The following CLN3 variants were observed in gnomAD, a reference collection of about 807,000 sequenced individuals.
CLN3 encodes the protein battenin.
A neutral mutation model predicts 60.7 loss-of-function variants in CLN3; 49 were observed. The observed-to-expected ratio is 0.81, with a 90% CI of 0.64 to 1.02. The LOEUF (loss-of-function observed/expected upper bound fraction) is 1.02. CLN3 is among the 50% of genes least tolerant of loss of function. CLN3 has a pLI of 0.00. For missense variants in CLN3, 516 were observed against 557.4 expected (o/e 0.93, Z 0.75); for synonymous variants, 256 against 245.8 (o/e 1.04, Z -0.39).
chr16:28,486,818 T>A, intron 7 of CLN3, 168 bp from the exon 8 acceptor site: 1 of 701,716 alleles, frequency 1.4e-6, no homozygotes, highest in South Asian at 1.6e-5. Flanking sequence ...CCCCTGCGTG[T>A]CCCTTCATGG....
At chr16:28,487,047 A>C in intron 7 of CLN3, 1 of 362,928 alleles carries the variant, frequency 2.8e-6, no homozygotes, top group Non-Finnish European at 5.3e-6. Context: ...AGTAGCTGGG[A>C]TTACAGGCTC....
the CLN3 span, among the ~76,000 whole-genome samples, chr16:28,468,785 T>C: frequency 1.0e-5 from 1 of 99,228 alleles, no homozygotes; most frequent in South Asian, 3.0e-4. Flanking sequence ...TCAGCCTGGG[T>C]GACAGAGTGA....
chr16:28,484,190 C>CT, intron 9 of CLN3, 72 bp from the exon 10 acceptor site: 1 of 1,102,264 alleles, frequency 9.1e-7, no homozygotes, highest in African/African-American at 1.6e-5. Flanking sequence ...ATCTAGGCCA[C>CT]TTTTCCCAGG....
chr16:28,488,564 C>A lies in CLN3; in HGVS notation c.294+27G>T, dbSNP rs373803891. On this transcript the variant is annotated intron_variant, in intron 5 of 15. Transcript: ENST00000636147. Reference sequence around the variant, plus strand: ...ATAGACCCAGGGGCCCTGGGTCAGGCAAGGACCAGGTGAGATGAGTACGCA... The same window carrying A: ...ATAGACCCAGGGGCCCTGGGTCAGGAAAGGACCAGGTGAGATGAGTACGCA... The A allele has an allele frequency of 1.9e-6, 3 of 1,611,324 alleles. No individual in the cohort carries two copies. In the Admixed American group the frequency reaches 5.0e-5, roughly 27 times the overall value.
downstream of CLN3, among the ~76,000 whole-genome samples, chr16:28,473,729 A>C (rs964942024): frequency 2.6e-5 from 4 of 152,352 alleles, no homozygotes; most frequent in African/African-American, 9.6e-5. Flanking sequence ...CTTACAACTC[A>C]AAAAGACTTC....
chr16:28,482,640 A>C lies in CLN3; in HGVS notation c.823T>G (p.Trp275Gly). The change falls in exon 11 of 16, where the codon TGG (tryptophan) becomes GGG (glycine). Residue 275 changes from tryptophan to glycine, a missense_variant. By Grantham distance (184) the Trp-to-Gly change is radical. Transcript: ENST00000636147. ...ATCATCCGAACCTTGAACACTGTCC[A>C]CCTTTCCCGAAGGGAGAGGCTGGAG... Reference protein sequence around the residue: ...SSSSLSLRERWTVFKGLLWYI... With the variant: ...SSSSLSLRERGTVFKGLLWYI... 1.9e-6 allele frequency: 3 copies of C among 1,614,166 alleles called. No individual in the cohort carries two copies. Among genetic ancestry groups the C allele is most frequent in the Non-Finnish European group, 2.5e-6 (3 of 1,180,028 alleles).
downstream of CLN3, chr16:28,476,360 T>C (rs1200224203): frequency 3.5e-5 from 5 of 142,252 alleles, no homozygotes; most frequent in Admixed American, 1.5e-4. Flanking sequence ...CTGGGTAACA[T>C]AGGAAGATCG....
At position 28,488,670 on chromosome 16, in the gene CLN3, G is replaced by A. The variant is rs973448262; in HGVS notation, c.223-8C>T. On this transcript the variant is annotated splice_polypyrimidine_tract_variant and splice_region_variant and intron_variant, in intron 4 of 15. Transcript: ENST00000636147. ...CGTTGGGCCTGGGTCCACCTAATGG[G>A]AGAAAAGCATGTCTTTCACCCTGGA... 4 of 1,613,970 alleles carry A rather than the reference G, an allele frequency of 2.5e-6. No individual in the cohort carries two copies. The highest frequency in any genetic ancestry group is 2.7e-5 in the African/African-American group (2 of 75,060).
downstream of CLN3, chr16:28,470,627 G>A (rs2045942625): frequency 7.5e-5 from 8 of 106,526 alleles, no homozygotes; most frequent in South Asian, 6.8e-4. Flanking sequence ...GGAAGGGGAG[G>A]GGAGGGGGAG....
the CLN3 span, among the ~76,000 whole-genome samples, chr16:28,468,755 C>T: frequency 4.1e-4 from 48 of 116,626 alleles, 3 homozygotes; most frequent in African/African-American, 1.1e-3. Flanking sequence ...TGCAGTGAGC[C>T]GAGATCGCAC....
downstream of CLN3, among the ~76,000 whole-genome samples, chr16:28,473,306 G>A (rs1319879630): frequency 6.6e-6 from 1 of 151,980 alleles, no homozygotes; most frequent in Non-Finnish European, 1.5e-5. Flanking sequence ...GCCCAGACTG[G>A]TCTTGAACTC....
chr16:28,485,991 T>C (rs2046208026), intron 9 of CLN3, among the ~76,000 whole-genome samples: 1 of 151,042 alleles, frequency 6.6e-6, no homozygotes, highest in African/African-American at 2.4e-5. Flanking sequence ...AGTTTTCTTT[T>C]CTTTCTTTTT....
Position 28,491,561 on chromosome 16 carries a change from C to T in CLN3, c.47-1G>A, listed in dbSNP as rs1555469477. ...CGGGGCTCCGGGACGGTCTCCTCCC[C>T]TGGGAGAGCGAGAAGAGGGCATGAC... On this transcript the variant is annotated splice_acceptor_variant, in intron 2 of 15. Transcript: ENST00000636147. LOFTEE classifies it high-confidence loss of function. 5 of 1,613,970 alleles carry T rather than the reference C, an allele frequency of 3.1e-6. No homozygotes were observed. The highest frequency in any genetic ancestry group is 1.7e-6 in the Non-Finnish European group (2 of 1,180,038).
rs1166409450 is a variant in CLN3, at chr16:28,477,453, G to C, written c.*63C>G. Reference sequence around the variant, plus strand: ...CATGGAGGGTCTCTGGGGTGGGCCTGGGTGTCTGACCTGTCCCTCTGCCCA... The same window carrying C: ...CATGGAGGGTCTCTGGGGTGGGCCTCGGTGTCTGACCTGTCCCTCTGCCCA... On this transcript the variant is annotated 3_prime_UTR_variant, in exon 16 of 16. Transcript: ENST00000636147. 6.2e-7 allele frequency: 1 copy of C among 1,607,012 alleles called. No individual in the cohort carries two copies. The highest frequency in any genetic ancestry group is 1.3e-5 in the African/African-American group (1 of 74,768).
Position 28,477,512 on chromosome 16 carries a change from A to T in CLN3, c.*4T>A. The T allele has an allele frequency of 6.2e-7, 1 of 1,613,018 alleles. No individual in the cohort carries two copies. Among genetic ancestry groups the T allele is most frequent in the Non-Finnish European group, 8.5e-7 (1 of 1,180,026 alleles). On this transcript the variant is annotated 3_prime_UTR_variant, in exon 16 of 16. Transcript: ENST00000636147. ...TGTGACCTGCGTCCTGAGGATCCCGAGTATCAGGAGAGCTGGCAGAGGAAG... is the reference window on the plus strand; with the variant it reads ...TGTGACCTGCGTCCTGAGGATCCCGTGTATCAGGAGAGCTGGCAGAGGAAG...
chr16:28,477,990 C>T lies in CLN3; in HGVS notation c.1057-113G>A, dbSNP rs2141694627. 4 of 1,243,270 alleles carry T rather than the reference C, an allele frequency of 3.2e-6. No individual in the cohort carries two copies. In the South Asian group the frequency reaches 5.2e-5, roughly 16 times the overall value. The allele number at this position is 1,243,270 out of a possible 1,614,324, so 77.0% of individuals were successfully genotyped here. On this transcript the variant is annotated intron_variant, in intron 14 of 15. Coordinates refer to ENST00000636147, the MANE Select transcript of CLN3 (RefSeq NM_001042432.2). ...GAGTTACTGGTGAAGGAGAGGGCTG[C>T]CAGGTCTAGATAAAATCTCAACACC... is the stretch of plus-strand genomic sequence containing the variant.
rs386833731 is a variant in CLN3, at chr16:28,486,459, C to G, written c.565G>C (p.Gly189Arg). Reference protein sequence around the residue: ...AVISWWSSGTGGAGLLGALSY... With the variant: ...AVISWWSSGTRGAGLLGALSY... ...AGGGCCCCCAGCAGCCCAGCTCCCC[C>G]AGTCCCTGAGGACCACCAGGAGATC... Residue 189 changes from glycine to arginine, a missense_variant, in exon 9 of 16, where the codon GGG (glycine) becomes CGG (arginine). Gly to Arg is a moderately radical substitution (Grantham distance 125). Coordinates refer to ENST00000636147, the MANE Select transcript of CLN3 (RefSeq NM_001042432.2). The G allele has an allele frequency of 6.2e-7, 1 of 1,613,346 alleles. No individual in the cohort carries two copies. The highest frequency in any genetic ancestry group is 1.7e-5 in the Admixed American group (1 of 59,874).
chr16:28,477,559 A>C lies in CLN3; in HGVS notation c.1274T>G (p.Leu425Arg). 1 of 1,614,042 alleles carries C rather than the reference A, an allele frequency of 6.2e-7. No individual in the cohort carries two copies. Among genetic ancestry groups the C allele is most frequent in the Non-Finnish European group, 8.5e-7 (1 of 1,180,032 alleles). Residue 425 changes from leucine (L) to arginine (R), a missense_variant, in exon 16 of 16, where the codon CTC becomes CGC. Coordinates refer to ENST00000636147, the MANE Select transcript of CLN3 (RefSeq NM_001042432.2). ...GAAGTCATGCAGAGGCAAAGCCAGG[A>C]GCCCCGACAGGGAGATCCCCAGTGT... ...SDTLGISLSG[L>R]LALPLHDFLC...
intron 14 of CLN3, among the ~76,000 whole-genome samples, chr16:28,479,965 T>C (rs1281956560): frequency 6.6e-6 from 1 of 152,070 alleles, no homozygotes; most frequent in Admixed American, 6.6e-5. Context: ...TGCCATAATA[T>C]GAAAGTGTAA....
Sources: allele counts gnomAD v4.1 joint callset (sites outside exome capture counted in the v4.1 genomes callset), GRCh38; gene constraint gnomAD v4.1.1; transcripts MANE v1.5; gene names NCBI Gene and HGNC (gene_info 2026-07-23, HGNC 2026-07-21).